MELK: variants seen among roughly 807,000 people sequenced by gnomAD.
The protein encoded by MELK is maternal embryonic leucine zipper kinase.
Under a neutral mutation model 85.0 loss-of-function variants are expected in MELK, and 81 were observed. The observed-to-expected ratio is 0.95, with a 90% CI of 0.80 to 1.15. MELK has a LOEUF of 1.15. Among genes scored for constraint, MELK ranks in the 50% most tolerant of loss-of-function variants. The pLI, the probability that MELK is intolerant of heterozygous loss-of-function variation, is 0.00. For missense variants in MELK, 754 were observed against 777.5 expected, an observed-to-expected ratio of 0.97 and a Z score of 0.36; for synonymous variants, 252 against 265.0, an observed-to-expected ratio of 0.95 and a Z score of 0.48.
At chr9:36,666,853 TTGTGTGTGTGTG>T (rs5897643) in intron 14 of MELK, among the ~76,000 whole-genome samples, 17,498 of 130,638 alleles carry the variant, frequency 0.13, 984 homozygotes, top group Non-Finnish European at 0.15. Flanking sequence ...ATGTCTGTGT[TTGTGTGTGTGTG>T]TGTGTGTGTG....
intron 11 of MELK, among the ~76,000 whole-genome samples, chr9:36,643,368 A>G (rs1829936203): frequency 6.6e-6 from 1 of 151,906 alleles, no homozygotes. Flanking sequence ...GGGCAACAAG[A>G]GCTAAACTCC....
At position 36,621,102 on chromosome 9, in the gene MELK, C is replaced by G. The variant is rs552259457; in HGVS notation, c.667-9197C>G. On this transcript the variant is annotated intron_variant, in intron 8 of 17. Transcript: ENST00000298048. ...TGGCCAACACGGTGAAACCCCATCT[C>G]TACTAAAAATACAAAAAAATTTAGC... 1.9e-4 allele frequency among the ~76,000 whole-genome samples: 28 copies of G among 151,108 alleles called. No individual in the cohort carries two copies. The East Asian group carries it at 5.3e-3, about 29-fold the overall frequency.
Position 36,594,693 on chromosome 9 carries a change from C to G in MELK, c.327C>G (p.Thr109=). ...ISQDRLSEEE[T]RVVFRQIVSA... ...AGGATCGCCTGTCAGAAGAGGAGAC[C>G]CGGGTTGTCTTCCGTCAGATAGTAT... The change falls in exon 5 of 18, where the codon ACC becomes ACG. Residue 109 remains threonine (T), a synonymous_variant. Coordinates refer to ENST00000298048, the MANE Select transcript of MELK (RefSeq NM_014791.4). The G allele has an allele frequency of 6.2e-7, 1 of 1,613,986 alleles. No homozygotes were observed. Among genetic ancestry groups the G allele is most frequent in the Admixed American group, 1.7e-5 (1 of 59,982 alleles).
intron 8 of MELK, among the ~76,000 whole-genome samples, chr9:36,614,456 T>TTA (rs1826370849): frequency 6.9e-6 from 1 of 144,478 alleles, no homozygotes; most frequent in African/African-American, 2.6e-5. Context: ...TTTATTTTTT[T>TTA]ATTGATAATT....
At chr9:36,656,220 G>T (rs919330966) in intron 12 of MELK, among the ~76,000 whole-genome samples, 1 of 152,158 alleles carries the variant, frequency 6.6e-6, no homozygotes, top group Non-Finnish European at 1.5e-5. Context: ...TCACTACCCT[G>T]TATATTCTTA....
chr9:36,614,703 A>G (rs1826404080), intron 8 of MELK, among the ~76,000 whole-genome samples: 1 of 112,832 alleles, frequency 8.9e-6, no homozygotes, highest in Admixed American at 9.3e-5. Flanking sequence ...CCCTTAATCC[A>G]TTTAACCCTG....
At chr9:36,576,177 CTT>C (rs917203689) in intron 1 of MELK, among the ~76,000 whole-genome samples, 7 of 152,172 alleles carry the variant, frequency 4.6e-5, no homozygotes, top group Non-Finnish European at 7.3e-5. Context: ...CCTTGAGTAA[CTT>C]TTTCTACTCC....
rs552280368 is a variant in MELK at position 36,582,724 on chromosome 9, A to AATGGGATTTATTGATGGGATCC, written c.59-903_59-902insATGGGATTTATTGATGGGATCC. ...AGGTAGCCATTGATATATTTTGAGG[A>AATGGGATTTATTGATGGGATCC]CAGAGCTAATGGGATTTATTGATGG... is the stretch of plus-strand genomic sequence containing the variant. On this transcript the variant is annotated intron_variant, in intron 2 of 17. Transcript: ENST00000298048. Among the ~76,000 whole-genome samples, 20 of 152,226 alleles carry AATGGGATTTATTGATGGGATCC rather than the reference A, an allele frequency of 1.3e-4. No individual in the cohort carries two copies. The East Asian group carries it at 2.5e-3, about 19-fold the overall frequency.
At chr9:36,586,041 CATAA>C (rs901400894) in intron 3 of MELK, among the ~76,000 whole-genome samples, 24 of 151,938 alleles carry the variant, frequency 1.6e-4, no homozygotes, top group African/African-American at 5.8e-4. Flanking sequence ...CTGATTAACA[CATAA>C]ATAAGTCAAA....
intron 8 of MELK, among the ~76,000 whole-genome samples, chr9:36,621,141 G>A (rs1827369233): frequency 6.6e-6 from 1 of 151,284 alleles, no homozygotes; most frequent in Admixed American, 6.6e-5. Flanking sequence ...GCATAGTGGT[G>A]CATGCCTGTA....
intron 8 of MELK, among the ~76,000 whole-genome samples, chr9:36,624,639 G>A (rs1267732399): frequency 1.3e-5 from 2 of 152,146 alleles, no homozygotes; most frequent in Non-Finnish European, 2.9e-5. Flanking sequence ...TGATAAAAAG[G>A]GGTGATAAAA....
rs1329869246 is a variant in MELK at position 36,596,572 on chromosome 9, GT to G, written c.406-642del. Among the ~76,000 whole-genome samples the G allele has an allele frequency of 1.8e-4, 17 of 96,114 alleles. 1 individual carries two copies. The South Asian group carries it at 3.7e-3, about 21-fold the overall frequency. 63.1% of individuals were successfully genotyped at this position (96,114 alleles called of 152,430 possible). The stretch of plus-strand genomic sequence containing the variant: ...GCGCCCGGCCCTTTTTGTTTTTTTT[GT>G]TTTTTTTGTTTTTTTTGTTTTTTTT... On this transcript the variant is annotated intron_variant, in intron 5 of 17. Coordinates refer to ENST00000298048, the MANE Select transcript of MELK (RefSeq NM_014791.4).
Position 36,600,460 on chromosome 9 carries a change from T to C in MELK, c.567+974T>C, listed in dbSNP as rs187625436. 9.3e-3 allele frequency among the ~76,000 whole-genome samples: 1,411 copies of C among 152,256 alleles called. 16 individuals carry two copies. Among genetic ancestry groups the C allele is most frequent in the African/African-American group, 0.029 (1,187 of 41,540 alleles). On this transcript the variant is annotated intron_variant, in intron 7 of 17. Coordinates refer to ENST00000298048, the MANE Select transcript of MELK (RefSeq NM_014791.4). ...GTGCAGTGGCACAATCTCCGCTCAC[T>C]ACAAGCTCTGCCTCCTGGGTTCACG...
At chr9:36,578,476 G>C (rs921701044) in intron 1 of MELK, among the ~76,000 whole-genome samples, 3 of 152,144 alleles carry the variant, frequency 2.0e-5, no homozygotes, top group African/African-American at 7.2e-5. Context: ...AAAATCATTA[G>C]ATGTATTTAG....
chr9:36,675,115 G>A (rs1361182057), intron 17 of MELK, among the ~76,000 whole-genome samples, 178 bp downstream of exon 17: 1 of 152,122 alleles, frequency 6.6e-6, no homozygotes, highest in East Asian at 1.9e-4. Flanking sequence ...GAGAAGCCCT[G>A]TCTCTACTGA....
chr9:36,675,114 T>C (rs7851401), intron 17 of MELK, among the ~76,000 whole-genome samples, 177 bp downstream of exon 17: 130,380 of 152,198 alleles, frequency 0.86, 56,156 homozygotes, highest in Admixed American at 0.9. Flanking sequence ...GGAGAAGCCC[T>C]GTCTCTACTG....
chr9:36,677,460 T>A lies in MELK; in HGVS notation c.*123T>A. 1 of 780,446 alleles carries A rather than the reference T, an allele frequency of 1.3e-6. No individual in the cohort carries two copies. Among genetic ancestry groups the A allele is most frequent in the Non-Finnish European group, 1.9e-6 (1 of 528,992 alleles). The allele number at this position is 780,446 out of a possible 1,614,324, so 48.3% of individuals were successfully genotyped here. Reference sequence around the variant, plus strand: ...CCAACTTGTTTCTAAAGAGCTATCTTAAGACCAATATCTCTTTGTTTTTAA... The same window carrying A: ...CCAACTTGTTTCTAAAGAGCTATCTAAAGACCAATATCTCTTTGTTTTTAA... On this transcript the variant is annotated 3_prime_UTR_variant, in exon 18 of 18. Coordinates refer to ENST00000298048, the MANE Select transcript of MELK (RefSeq NM_014791.4).
intron 4 of MELK, among the ~76,000 whole-genome samples, chr9:36,592,294 C>T (rs1457444334): frequency 4.0e-5 from 6 of 151,864 alleles, no homozygotes; most frequent in South Asian, 2.1e-4. Context: ...CCTGCCCCAG[C>T]CTCCTGAGTA....
intron 3 of MELK, among the ~76,000 whole-genome samples, chr9:36,584,224 C>G (rs1822589649): frequency 6.6e-6 from 1 of 151,548 alleles, no homozygotes; most frequent in Non-Finnish European, 1.5e-5. Context: ...CCAGGATGGT[C>G]TCAATCTCCT....
Sources: allele counts gnomAD v4.1 joint callset (sites outside exome capture counted in the v4.1 genomes callset), GRCh38; gene constraint gnomAD v4.1.1; transcripts MANE v1.5; gene names NCBI Gene and HGNC (gene_info 2026-07-23, HGNC 2026-07-21).